The following RERE variants were observed in gnomAD, a reference collection of about 807,000 sequenced individuals.
The protein encoded by RERE is arginine-glutamic acid dipeptide repeats protein.
RERE carries 40 observed loss-of-function variants against 146.1 expected under a neutral mutation model. The observed-to-expected ratio is 0.27, with a 90% CI of 0.21 to 0.36. The LOEUF (loss-of-function observed/expected upper bound fraction) is 0.36, where lower values mean the gene tolerates loss of function less well. Among genes scored for constraint, RERE ranks in the 10% least tolerant of loss-of-function variants. The pLI is 1.00. For missense variants in RERE, 1,933 were observed against 2,138.7 expected, an observed-to-expected ratio of 0.90 and a Z score of 1.90; for synonymous variants, 1,003 against 866.0, an observed-to-expected ratio of 1.16 and a Z score of -2.78.
At chr1:8,606,477 G>C (rs1646710053) in intron 4 of RERE, among the ~76,000 whole-genome samples, 1 of 152,098 alleles carries the variant, frequency 6.6e-6, no homozygotes, top group South Asian at 2.1e-4. Flanking sequence ...ATGCTCCAGA[G>C]AAAAATTATA....
At chr1:8,789,301 AATATATATATATAT>A (rs1553149622) in intron 1 of RERE, among the ~76,000 whole-genome samples, 1 of 24,826 alleles carries the variant, frequency 4.0e-5, no homozygotes, top group African/African-American at 2.3e-4. Flanking sequence ...AAAAAAAAAA[AATATATATATATAT>A]ATATATATAT....
At chr1:8,362,462 T>C (rs955895799) in intron 16 of RERE, among the ~76,000 whole-genome samples, 1 of 152,160 alleles carries the variant, frequency 6.6e-6, no homozygotes, top group East Asian at 1.9e-4. Flanking sequence ...CTTGGGAAGC[T>C]TGAGGCAGAG....
chr1:8,774,978 T>TGAAACAG (rs1641037108), intron 1 of RERE, among the ~76,000 whole-genome samples: 1 of 103,854 alleles, frequency 9.6e-6, no homozygotes, highest in South Asian at 3.0e-4. Context: ...TTTTTTTTTT[T>TGAAACAG]TTTGAAACAG....
intron 1 of RERE, among the ~76,000 whole-genome samples, chr1:8,709,141 C>T (rs1639617731): frequency 6.6e-6 from 1 of 151,882 alleles, no homozygotes; most frequent in South Asian, 2.1e-4. Flanking sequence ...AGGATGGTCT[C>T]GATCTCCTGA....
chr1:8,422,778 G>A lies in RERE; in HGVS notation c.1233C>T (p.Tyr411=), dbSNP rs199865291. 2.2e-5 allele frequency: 35 copies of A among 1,613,772 alleles called. No homozygotes were observed. The highest frequency in any genetic ancestry group is 3.3e-4 in the Middle Eastern group (2 of 6,082). The change falls in exon 12 of 23, where the codon TAC becomes TAT. Residue 411 remains tyrosine, a synonymous_variant. Transcript: ENST00000400908. The part of the protein sequence containing the change: ...VKRFVKGLRQ[Y]GKNFFRIRKE... ...TTCTAATTCTGAAGAAGTTCTTCCCGTACTGCCTGAGTCCCTTAACGAAGC... is the reference window on the plus strand; with the variant it reads ...TTCTAATTCTGAAGAAGTTCTTCCCATACTGCCTGAGTCCCTTAACGAAGC...
chr1:8,573,282 C>T (rs77794703), intron 4 of RERE, among the ~76,000 whole-genome samples: 2,289 of 152,226 alleles, frequency 0.015, 22 homozygotes, highest in Non-Finnish European at 0.025. Flanking sequence ...GAGGTAACCA[C>T]CACCTTGAAT....
At chr1:8,739,139 A>C (rs1640259465) in intron 1 of RERE, among the ~76,000 whole-genome samples, 1 of 152,246 alleles carries the variant, frequency 6.6e-6, no homozygotes, top group Non-Finnish European at 1.5e-5. Flanking sequence ...TTGGCAAATA[A>C]GACCTTGAAA....
chr1:8,595,615 A>C (rs182924066), intron 4 of RERE, among the ~76,000 whole-genome samples: 3 of 152,148 alleles, frequency 2.0e-5, no homozygotes, highest in Middle Eastern at 3.4e-3. Flanking sequence ...CCAAAGAAAA[A>C]AGATGAAAAA....
intron 12 of RERE, among the ~76,000 whole-genome samples, chr1:8,381,347 A>G (rs1336332523): frequency 1.3e-5 from 2 of 152,202 alleles, no homozygotes; most frequent in African/African-American, 4.8e-5. Flanking sequence ...TGCCTGACAC[A>G]AGATGGGTGC....
chr1:8,486,870 A>T (rs1644907954), intron 10 of RERE, among the ~76,000 whole-genome samples: 1 of 152,088 alleles, frequency 6.6e-6, no homozygotes, highest in African/African-American at 2.4e-5. Flanking sequence ...AGTAATATCA[A>T]TCTTTCATAA....
chr1:8,420,252 T>G (rs1643888337), intron 12 of RERE, among the ~76,000 whole-genome samples: 1 of 152,058 alleles, frequency 6.6e-6, no homozygotes. Context: ...CCCAGGAGTT[T>G]GAGACCAGCC....
intron 2 of RERE, among the ~76,000 whole-genome samples, chr1:8,644,165 C>T (rs1473165563): frequency 6.6e-6 from 1 of 152,240 alleles, no homozygotes; most frequent in Non-Finnish European, 1.5e-5. Context: ...ATAACTTTAG[C>T]CCCATCATGT....
chr1:8,364,889 G>A lies in RERE; in HGVS notation c.1448-51C>T, dbSNP rs767931639. 4.8e-6 allele frequency: 2 copies of A among 418,996 alleles called. No homozygotes were observed. The highest frequency in any genetic ancestry group is 8.9e-6 in the Non-Finnish European group (2 of 224,376). The allele number at this position is 418,996 out of a possible 1,614,324, so 26.0% of individuals were successfully genotyped here. A position where few individuals can be genotyped will look rare whatever the true frequency, so the allele number is the denominator to read the frequency against. On this transcript the variant is annotated intron_variant, in intron 13 of 22. Coordinates refer to ENST00000400908, the MANE Select transcript of RERE (RefSeq NM_001042681.2). The surrounding 1 kb of genome is among the most constrained non-coding windows in gnomAD (Gnocchi z 5.1). The stretch of plus-strand genomic sequence containing the variant: ...GGTGGGGGAGACACCATCATGCTCA[G>A]CCAAGGCTGGGCCGGTGGGGTGGGG...
intron 1 of RERE, among the ~76,000 whole-genome samples, chr1:8,714,906 ACT>A (rs901510214): frequency 6.6e-6 from 1 of 151,840 alleles, no homozygotes; most frequent in African/African-American, 2.4e-5. Context: ...ACGGAGTCTC[ACT>A]CTGTCGCCAA....
At chr1:8,628,969 G>A (rs1163015968) in intron 2 of RERE, among the ~76,000 whole-genome samples, 1 of 152,120 alleles carries the variant, frequency 6.6e-6, no homozygotes, top group East Asian at 1.9e-4. Flanking sequence ...TAGCAGTTCT[G>A]AAAGAACTGC....
At chr1:8,588,748 G>A (rs1399551742) in intron 4 of RERE, among the ~76,000 whole-genome samples, 1 of 152,196 alleles carries the variant, frequency 6.6e-6, no homozygotes, top group Non-Finnish European at 1.5e-5. Flanking sequence ...CAGGAGCCCA[G>A]AGCTTCTCTC....
chr1:8,508,019 A>G (rs1303988829), intron 8 of RERE, among the ~76,000 whole-genome samples: 1 of 152,196 alleles, frequency 6.6e-6, no homozygotes, highest in Non-Finnish European at 1.5e-5. Flanking sequence ...GATTACAGGC[A>G]TGAGCCATTG....
intron 4 of RERE, among the ~76,000 whole-genome samples, chr1:8,576,499 G>A (rs941954130): frequency 3.3e-5 from 5 of 152,008 alleles, no homozygotes; most frequent in Admixed American, 1.3e-4. Flanking sequence ...AGAATAGCAG[G>A]GAAAGATGAA....
intron 11 of RERE, among the ~76,000 whole-genome samples, chr1:8,436,833 T>C (rs1252573048): frequency 6.6e-6 from 1 of 152,134 alleles, no homozygotes; most frequent in African/African-American, 2.4e-5. Context: ...TTGAAATCAG[T>C]GTGTATTTTA....
Sources: allele counts gnomAD v4.1 joint callset (sites outside exome capture counted in the v4.1 genomes callset), GRCh38; gene constraint gnomAD v4.1.1; non-coding constraint Gnocchi (gnomAD v3.1); transcripts MANE v1.5; gene names NCBI Gene and HGNC (gene_info 2026-07-23, HGNC 2026-07-21).